L3MBTL4: variants seen among roughly 807,000 people sequenced by gnomAD.
L3MBTL4 encodes the protein L3MBTL histone methyl-lysine binding protein 4.
A neutral mutation model predicts 84.5 loss-of-function variants in L3MBTL4; 70 were observed. The ratio of observed to expected loss-of-function variants is 0.83; its 90% CI spans 0.68 to 1.01. The LOEUF is 1.01. Among genes scored for constraint, L3MBTL4 ranks in the 50% least tolerant of loss-of-function variants. The pLI is 0.00. For synonymous variants in L3MBTL4, 274 were observed against 259.8 expected, an observed-to-expected ratio of 1.05 and a Z score of -0.52; for missense variants, 715 against 754.8, an observed-to-expected ratio of 0.95 and a Z score of 0.62.
At chr18:5,961,939 C>A (rs547881007) in intron 17 of L3MBTL4, among the ~76,000 whole-genome samples, 14 of 152,270 alleles carry the variant, frequency 9.2e-5, no homozygotes, top group African/African-American at 3.4e-4. Flanking sequence ...GGCTGGGGCC[C>A]AGGACACTGA....
intron 4 of L3MBTL4, among the ~76,000 whole-genome samples, chr18:6,264,770 G>A (rs1159511217): frequency 1.3e-5 from 2 of 152,174 alleles, no homozygotes; most frequent in African/African-American, 4.8e-5. Flanking sequence ...GGCCACAAGA[G>A]CGAAATCTCA....
intron 12 of L3MBTL4, among the ~76,000 whole-genome samples, chr18:6,173,758 C>T (rs899036037): frequency 4.6e-5 from 7 of 152,016 alleles, no homozygotes; most frequent in East Asian, 1.9e-4. Context: ...GCAGCCTGGA[C>T]GGCACAGCAA....
intron 15 of L3MBTL4, among the ~76,000 whole-genome samples, chr18:6,087,826 C>T (rs1186248919): frequency 1.3e-5 from 2 of 152,094 alleles, no homozygotes; most frequent in Non-Finnish European, 2.9e-5. Flanking sequence ...ATGTGCCAGG[C>T]CCATTCATAT....
chr18:6,038,069 G>T lies in L3MBTL4; in HGVS notation c.1444+42812C>A, dbSNP rs530753039. On this transcript the variant is annotated intron_variant, in intron 16 of 18. Coordinates refer to ENST00000317931, the MANE Select transcript of L3MBTL4 (RefSeq NM_001330559.2). ...AGATAAGTGGATAAAAAAGGAGTGG[G>T]AAGTATCTGTGTAATGTTCTAGTTC... Among the ~76,000 whole-genome samples the T allele has an allele frequency of 9.2e-5, 14 of 152,230 alleles. No homozygotes were observed. The South Asian group carries it at 2.9e-3, about 32-fold the overall frequency.
intron 1 of L3MBTL4, among the ~76,000 whole-genome samples, chr18:6,351,128 G>C (rs34425306): frequency 0.056 from 8,550 of 152,138 alleles, 293 homozygotes; most frequent in East Asian, 0.1. Context: ...CGAGGGAGGC[G>C]GAGGTTGCAG....
At chr18:6,122,304 C>G (rs959030274) in intron 14 of L3MBTL4, among the ~76,000 whole-genome samples, 7 of 152,174 alleles carry the variant, frequency 4.6e-5, no homozygotes, top group African/African-American at 7.2e-5. Context: ...ATTGTCTGCA[C>G]TACAAGTAAC....
At chr18:6,099,361 G>T (rs1157131514) in intron 14 of L3MBTL4, among the ~76,000 whole-genome samples, 7 of 151,628 alleles carry the variant, frequency 4.6e-5, no homozygotes, top group African/African-American at 1.5e-4. Flanking sequence ...TTATTGAACA[G>T]TGATAGTACT....
intron 14 of L3MBTL4, among the ~76,000 whole-genome samples, chr18:6,113,252 CAACT>C (rs1271984973): frequency 3.3e-5 from 5 of 152,106 alleles, no homozygotes; most frequent in African/African-American, 9.6e-5. Flanking sequence ...GTTTTGTAGG[CAACT>C]AACTCATATC....
chr18:6,373,102 C>T (rs2054223490), intron 1 of L3MBTL4, among the ~76,000 whole-genome samples: 1 of 152,040 alleles, frequency 6.6e-6, no homozygotes, highest in Non-Finnish European at 1.5e-5. Context: ...TGGTTCTCTC[C>T]CCCACAATAT....
chr18:6,399,700 T>C (rs185910284), intron 1 of L3MBTL4: 20 of 152,326 alleles, frequency 1.3e-4, no homozygotes, highest in African/African-American at 4.8e-4. Flanking sequence ...ATATAGCTAA[T>C]GGAGAATTAA....
At chr18:6,202,220 T>G (rs2045677971) in intron 12 of L3MBTL4, among the ~76,000 whole-genome samples, 2 of 152,174 alleles carry the variant, frequency 1.3e-5, no homozygotes, top group Admixed American at 1.3e-4. Flanking sequence ...CTGAACTTCT[T>G]CTGGTTCTAG....
Position 6,220,519 on chromosome 18 carries a change from GC to G in L3MBTL4, c.785-4685del, listed in dbSNP as rs574283994. Among the ~76,000 whole-genome samples, 90 of 152,158 alleles carry G rather than the reference GC, an allele frequency of 5.9e-4. 1 individual carries two copies. The East Asian group carries it at 0.015, about 26-fold the overall frequency. On this transcript the variant is annotated intron_variant, in intron 10 of 18. Coordinates refer to ENST00000317931, the MANE Select transcript of L3MBTL4 (RefSeq NM_001330559.2). ...ACCCTGACTCTCTATATAATAGGGA[GC>G]CCCCCTCCCAAATGTATGTGCCCTT...
At chr18:5,987,415 T>C (rs1235220744) in intron 16 of L3MBTL4, among the ~76,000 whole-genome samples, 1 of 152,284 alleles carries the variant, frequency 6.6e-6, no homozygotes, top group East Asian at 1.9e-4. Flanking sequence ...AGTGTGGGAA[T>C]GTACTCGCAA....
chr18:6,393,363 A>G (rs73938418), intron 1 of L3MBTL4, among the ~76,000 whole-genome samples: 1,564 of 152,246 alleles, frequency 0.01, 25 homozygotes, highest in African/African-American at 0.035. Flanking sequence ...ATTGTGTTCT[A>G]TGCCACCTAA....
chr18:6,297,118 C>T (rs996642333), intron 4 of L3MBTL4, among the ~76,000 whole-genome samples: 12 of 152,112 alleles, frequency 7.9e-5, no homozygotes, highest in African/African-American at 1.9e-4. Flanking sequence ...ATCCATGAGG[C>T]GCTGGTGAGC....
chr18:6,083,657 T>C (rs1262669770), intron 15 of L3MBTL4, among the ~76,000 whole-genome samples: 1 of 152,212 alleles, frequency 6.6e-6, no homozygotes, highest in African/African-American at 2.4e-5. Flanking sequence ...GCACCAATTA[T>C]TCCTCCTGAA....
At chr18:6,230,964 T>C (rs905462565) in intron 10 of L3MBTL4, among the ~76,000 whole-genome samples, 4 of 152,198 alleles carry the variant, frequency 2.6e-5, no homozygotes, top group African/African-American at 7.2e-5. Flanking sequence ...AAGTTCCTTA[T>C]GGATTCCAGA....
rs1194973679 is a variant in L3MBTL4, at chr18:6,302,266, C to T, written c.73-309G>A. Among the ~76,000 whole-genome samples, 3 of 152,298 alleles carry T rather than the reference C, an allele frequency of 2.0e-5. No homozygotes were observed. In the East Asian group the frequency reaches 5.8e-4, roughly 29 times the overall value. On this transcript the variant is annotated intron_variant, in intron 3 of 18. Coordinates refer to ENST00000317931, the MANE Select transcript of L3MBTL4 (RefSeq NM_001330559.2). Reference sequence around the variant, plus strand: ...AGTGGATCCCTGGGCCTGACAGTCGCACAGGAGTGGCTGACAGAAGAGGCT... The same window carrying T: ...AGTGGATCCCTGGGCCTGACAGTCGTACAGGAGTGGCTGACAGAAGAGGCT...
intron 16 of L3MBTL4, among the ~76,000 whole-genome samples, chr18:6,041,310 A>G (rs1364811359): frequency 3.3e-5 from 5 of 152,210 alleles, no homozygotes; most frequent in Non-Finnish European, 7.3e-5. Context: ...ATCTCAGGCC[A>G]TGCCCACCAC....
Sources: allele counts gnomAD v4.1 joint callset (sites outside exome capture counted in the v4.1 genomes callset), GRCh38; gene constraint gnomAD v4.1.1; transcripts MANE v1.5; gene names NCBI Gene and HGNC (gene_info 2026-07-23, HGNC 2026-07-21).